Variants in KIFAP3 observed in about 807,000 individuals in gnomAD.
The protein encoded by KIFAP3 is kinesin-associated protein 3.
A neutral mutation model predicts 106.5 loss-of-function variants in KIFAP3; 68 were observed. That is an observed-to-expected ratio of 0.64 (90% CI 0.53 to 0.78). The LOEUF (loss-of-function observed/expected upper bound fraction) is 0.78. KIFAP3 is among the 30% of genes least tolerant of loss of function. The pLI is 0.00. For missense variants in KIFAP3, 780 were observed against 941.8 expected, an observed-to-expected ratio of 0.83 and a Z score of 2.25; for synonymous variants, 320 against 311.5, an observed-to-expected ratio of 1.03 and a Z score of -0.29.
intron 10 of KIFAP3, among the ~76,000 whole-genome samples, chr1:170,006,913 T>A (rs1212180559): frequency 6.6e-6 from 1 of 152,212 alleles, no homozygotes; most frequent in South Asian, 2.1e-4. Context: ...GTAGTAAGCA[T>A]AGATAAAGTC....
chr1:170,075,393 A>T (rs1217818004), upstream of KIFAP3, among the ~76,000 whole-genome samples: 3 of 152,174 alleles, frequency 2.0e-5, no homozygotes, highest in Non-Finnish European at 2.9e-5. Flanking sequence ...TGTGTGCCAA[A>T]CACCAAACCA....
chr1:169,973,883 AG>A (rs1666077346), intron 16 of KIFAP3, among the ~76,000 whole-genome samples: 1 of 151,950 alleles, frequency 6.6e-6, no homozygotes, highest in Non-Finnish European at 1.5e-5. Flanking sequence ...TTCAGGAGAC[AG>A]TAAATAAGGA....
chr1:169,974,606 A>ACTC, intron 16 of KIFAP3, among the ~76,000 whole-genome samples: 1 of 27,472 alleles, frequency 3.6e-5, no homozygotes, highest in Middle Eastern at 0.021. Context: ...CATTTTTTAA[A>ACTC]AATATGTAAA....
At chr1:169,976,881 C>G (rs1346900258) in intron 16 of KIFAP3, among the ~76,000 whole-genome samples, 1 of 152,014 alleles carries the variant, frequency 6.6e-6, no homozygotes, top group Non-Finnish European at 1.5e-5. Context: ...CCAGGCCCAG[C>G]TCATATTTTA....
chr1:169,970,083 G>A (rs1416126639), intron 17 of KIFAP3, among the ~76,000 whole-genome samples: 3 of 151,994 alleles, frequency 2.0e-5, no homozygotes, highest in African/African-American at 7.2e-5. Context: ...CGGAGGGGTA[G>A]GTGATGTTCT....
chr1:170,041,868 AT>A (rs772628610), intron 3 of KIFAP3: 300 of 1,385,812 alleles, frequency 2.2e-4, no homozygotes, highest in Non-Finnish European at 2.6e-4. Flanking sequence ...TTTAAGGGGA[AT>A]TTCCCCAACT....
intron 17 of KIFAP3, among the ~76,000 whole-genome samples, chr1:169,964,161 A>G (rs1178989401): frequency 6.6e-6 from 1 of 152,200 alleles, no homozygotes; most frequent in Non-Finnish European, 1.5e-5. Context: ...CACACAAATT[A>G]TTCTGCCAAA....
intron 3 of KIFAP3, 69 bp downstream of exon 3, chr1:170,046,643 A>C: frequency 8.1e-7 from 1 of 1,241,724 alleles, no homozygotes; most frequent in Non-Finnish European, 1.1e-6. Flanking sequence ...TTTTTTTTAT[A>C]GTTGCTTGAT....
chr1:169,924,171 A>AGC (rs1450090955), intron 19 of KIFAP3, among the ~76,000 whole-genome samples: 1 of 152,186 alleles, frequency 6.6e-6, no homozygotes, highest in Non-Finnish European at 1.5e-5. Context: ...TTGTTGATAA[A>AGC]AACCTGCAGT....
At chr1:170,074,964 AG>A (rs1671869370), upstream of KIFAP3, among the ~76,000 whole-genome samples, 1 of 152,244 alleles carries the variant, frequency 6.6e-6, no homozygotes, top group Admixed American at 6.5e-5. Flanking sequence ...CCAGCTAATA[AG>A]GGAGGTTTCT....
intron 1 of KIFAP3, among the ~76,000 whole-genome samples, chr1:170,060,100 C>G (rs1303480599): frequency 6.6e-6 from 1 of 152,118 alleles, no homozygotes; most frequent in Non-Finnish European, 1.5e-5. Context: ...CCTTTGAAAA[C>G]TGGCACAAGA....
chr1:169,970,785 T>A (rs1220499971), intron 17 of KIFAP3, among the ~76,000 whole-genome samples: 1 of 152,044 alleles, frequency 6.6e-6, no homozygotes, highest in Non-Finnish European at 1.5e-5. Flanking sequence ...CATTCTCCCT[T>A]GATGGTCTTT....
At chr1:170,007,046 G>T (rs772513235) in intron 10 of KIFAP3, among the ~76,000 whole-genome samples, 28 of 152,112 alleles carry the variant, frequency 1.8e-4, no homozygotes, top group Non-Finnish European at 3.7e-4. Flanking sequence ...CTGAGTCCTG[G>T]AAAACCAATG....
At chr1:169,928,378 G>A (rs1301279916) in intron 19 of KIFAP3, among the ~76,000 whole-genome samples, 3 of 152,042 alleles carry the variant, frequency 2.0e-5, no homozygotes, top group South Asian at 2.1e-4. Context: ...GATTACAGGC[G>A]TGAGCCACTG....
At chr1:170,003,238 C>A (rs756309056) in intron 10 of KIFAP3, among the ~76,000 whole-genome samples, 1 of 152,130 alleles carries the variant, frequency 6.6e-6, no homozygotes, top group Non-Finnish European at 1.5e-5. Flanking sequence ...TCATTATAGA[C>A]CAGTAACAAC....
rs1304576476 is a variant in KIFAP3 at position 170,046,845 on chromosome 1, A to G, written c.186T>C (p.Asn62=). ...CQKIIRLKSL[N]ANTDITSLAR... is the part of the protein sequence containing the mutation. The stretch of plus-strand genomic sequence containing the variant: ...CCAGGGAAGTTATATCTGTGTTGGC[A>G]TTGAGACTCTTAAGTCGAATGCTGT... The change falls in exon 3 of 20, where the codon AAT becomes AAC. Residue 62 remains asparagine, a synonymous_variant. Transcript: ENST00000361580. The G allele has an allele frequency of 6.2e-7, 1 of 1,606,326 alleles. No individual in the cohort carries two copies. The highest frequency in any genetic ancestry group is 1.3e-5 in the African/African-American group (1 of 74,664).
chr1:169,976,874 G>A (rs1451353641), intron 16 of KIFAP3, among the ~76,000 whole-genome samples: 1 of 151,922 alleles, frequency 6.6e-6, no homozygotes, highest in Non-Finnish European at 1.5e-5. Flanking sequence ...TGCATCACCA[G>A]GCCCAGCTCA....
At chr1:170,068,091 T>TTTTTTTC (rs1671533972) in intron 1 of KIFAP3, 1 of 152,154 alleles carries the variant, frequency 6.6e-6, no homozygotes, top group Non-Finnish European at 1.5e-5. Flanking sequence ...CTGAAGAGTA[T>TTTTTTTC]TTTTTTCTTT....
At chr1:170,019,487 G>A (rs1223312953) in intron 9 of KIFAP3, among the ~76,000 whole-genome samples, 2 of 151,994 alleles carry the variant, frequency 1.3e-5, no homozygotes, top group Non-Finnish European at 2.9e-5. Context: ...ACCAAGTAAT[G>A]TTTATCCCCT....
Sources: allele counts gnomAD v4.1 joint callset (sites outside exome capture counted in the v4.1 genomes callset), GRCh38; gene constraint gnomAD v4.1.1; transcripts MANE v1.5; gene names NCBI Gene and HGNC (gene_info 2026-07-23, HGNC 2026-07-21).